Variants in HNF4G observed in about 807,000 individuals in gnomAD.
The protein encoded by HNF4G is hepatocyte nuclear factor 4-gamma.
HNF4G carries 21 observed loss-of-function variants against 50.9 expected under a neutral mutation model. The observed-to-expected ratio is 0.41, with a 90% CI of 0.29 to 0.59. The LOEUF (loss-of-function observed/expected upper bound fraction) is 0.59. HNF4G is among the 20% of genes least tolerant of loss of function. The pLI, the probability that HNF4G is intolerant of heterozygous loss-of-function variation, is 0.26. For synonymous variants in HNF4G, 198 were observed against 185.6 expected (o/e 1.07, Z -0.54); for missense variants, 527 against 559.4 (o/e 0.94, Z 0.58).
In HNF4G at chr8:75,438,400, C is replaced by T. The variant is rs189240727; in HGVS notation, c.-144+30238C>T. On this transcript the variant is annotated intron_variant, in intron 1 of 10. Transcript: ENST00000354370. ...TACTTCCACTGTACCACTGTAAAACCTAAAACAAGTTCTGGATATGTTAGA... is the reference window on the plus strand; with the variant it reads ...TACTTCCACTGTACCACTGTAAAACTTAAAACAAGTTCTGGATATGTTAGA... Among the ~76,000 whole-genome samples, 3 of 152,262 alleles carry T rather than the reference C, an allele frequency of 2.0e-5. No homozygotes were observed. In the East Asian group the frequency reaches 5.8e-4, roughly 29 times the overall value.
intron 2 of HNF4G, among the ~76,000 whole-genome samples, chr8:75,499,878 C>A (rs866925346): frequency 1.7e-4 from 26 of 152,032 alleles, no homozygotes; most frequent in Non-Finnish European, 2.1e-4. Flanking sequence ...ACATAACATA[C>A]AAAAATTAAC....
intron 2 of HNF4G, among the ~76,000 whole-genome samples, chr8:75,524,396 G>A (rs1346650478): frequency 1.3e-5 from 2 of 152,068 alleles, no homozygotes; most frequent in African/African-American, 4.8e-5. Context: ...AAGGAACAAA[G>A]ACTCAAGAAA....
chr8:75,554,566 C>T (rs559355511), intron 5 of HNF4G, among the ~76,000 whole-genome samples: 32 of 152,166 alleles, frequency 2.1e-4, no homozygotes, highest in African/African-American at 7.5e-4. Flanking sequence ...TTTACAGTTT[C>T]TAAAACTGAA....
intron 1 of HNF4G, among the ~76,000 whole-genome samples, chr8:75,442,268 G>A (rs1277949842): frequency 6.6e-6 from 1 of 152,090 alleles, no homozygotes; most frequent in Admixed American, 6.6e-5. Context: ...CTACTTTATA[G>A]CCTGGGTATC....
At chr8:75,517,739 C>A (rs1805930600) in intron 2 of HNF4G, among the ~76,000 whole-genome samples, 1 of 152,110 alleles carries the variant, frequency 6.6e-6, no homozygotes. Flanking sequence ...TGCGGCTTTT[C>A]CAGGTGCACA....
At chr8:75,417,960 T>C (rs1042791478) in intron 1 of HNF4G, among the ~76,000 whole-genome samples, 114 of 148,866 alleles carry the variant, frequency 7.7e-4, no homozygotes, top group Non-Finnish European at 1.4e-3. Context: ...TGTGTGTGTC[T>C]ACACACACAC....
chr8:75,417,553 A>C (rs1042062382), intron 1 of HNF4G, among the ~76,000 whole-genome samples: 1 of 152,186 alleles, frequency 6.6e-6, no homozygotes, highest in Non-Finnish European at 1.5e-5. Context: ...AAATACTAAT[A>C]AGGTCTTATG....
chr8:75,558,739 TTTA>T (rs1277114875), intron 7 of HNF4G, 59 bp from the exon 8 acceptor site: 2 of 1,581,126 alleles, frequency 1.3e-6, no homozygotes, highest in East Asian at 2.2e-5. Flanking sequence ...TATTAGAATA[TTTA>T]TTGTCTCACA....
At chr8:75,496,715 GAC>G (rs1320947523) in intron 2 of HNF4G, among the ~76,000 whole-genome samples, 2 of 151,744 alleles carry the variant, frequency 1.3e-5, no homozygotes, top group African/African-American at 4.8e-5. Context: ...AAATTAATAA[GAC>G]TATAACCAGA....
At chr8:75,553,517 G>T (rs1807028150) in intron 5 of HNF4G, among the ~76,000 whole-genome samples, 1 of 152,086 alleles carries the variant, frequency 6.6e-6, no homozygotes, top group Admixed American at 6.6e-5. Context: ...GTGAGACAAA[G>T]TATTAGAAGA....
chr8:75,490,318 T>C (rs1000623500), intron 2 of HNF4G: 3 of 152,280 alleles, frequency 2.0e-5, no homozygotes, highest in African/African-American at 4.8e-5. Context: ...CTTTCGTATA[T>C]ACTAAAAGGT....
intron 1 of HNF4G, among the ~76,000 whole-genome samples, chr8:75,463,026 T>G (rs898091620): frequency 6.6e-6 from 1 of 151,882 alleles, no homozygotes; most frequent in African/African-American, 2.4e-5. Flanking sequence ...ATGTGCTCTT[T>G]TTGTTCCTCC....
intron 1 of HNF4G, among the ~76,000 whole-genome samples, chr8:75,473,581 G>T (rs940017373): frequency 6.6e-6 from 1 of 152,166 alleles, no homozygotes; most frequent in Admixed American, 6.6e-5. Context: ...CTATCCAGGG[G>T]AAGAAGAATC....
upstream of HNF4G, among the ~76,000 whole-genome samples, chr8:75,537,560 T>C (rs1436059361): frequency 6.6e-6 from 1 of 151,860 alleles, no homozygotes; most frequent in Non-Finnish European, 1.5e-5. Flanking sequence ...GACTTTTTTT[T>C]TCCTCCACTA....
intron 2 of HNF4G, among the ~76,000 whole-genome samples, chr8:75,496,369 T>G (rs1429544710): frequency 6.6e-6 from 1 of 151,752 alleles, no homozygotes; most frequent in Admixed American, 6.6e-5. Flanking sequence ...ATATAATATA[T>G]TTTTTTTCAA....
At chr8:75,504,693 A>C (rs1222514317) in intron 2 of HNF4G, among the ~76,000 whole-genome samples, 2 of 152,134 alleles carry the variant, frequency 1.3e-5, no homozygotes, top group Admixed American at 6.5e-5. Flanking sequence ...TTTTCTATTT[A>C]TATTTCCCTT....
At chr8:75,472,495 C>T (rs563282857) in intron 1 of HNF4G, among the ~76,000 whole-genome samples, 2 of 152,132 alleles carry the variant, frequency 1.3e-5, no homozygotes, top group East Asian at 1.9e-4. Context: ...TGCCTAAGCT[C>T]GTGAGGCTGG....
intron 1 of HNF4G, among the ~76,000 whole-genome samples, chr8:75,430,182 A>C (rs764635684): frequency 4.0e-5 from 6 of 151,780 alleles, no homozygotes; most frequent in Admixed American, 6.6e-5. Flanking sequence ...TGCATAGCTG[A>C]GTTGGTGGAA....
chr8:75,455,675 T>C (rs1391578223), intron 1 of HNF4G, among the ~76,000 whole-genome samples: 1 of 152,184 alleles, frequency 6.6e-6, no homozygotes, highest in African/African-American at 2.4e-5. Flanking sequence ...CTCCATAATA[T>C]CATTGAATTA....
Sources: gnomAD v4.1 joint callset for allele counts (sites outside exome capture counted in the v4.1 genomes callset) on GRCh38, gnomAD v4.1.1 for gene constraint, MANE v1.5 for transcripts, NCBI Gene and HGNC (gene_info 2026-07-23, HGNC 2026-07-21) for gene names.